The following RALGAPA2 variants were observed in gnomAD, a reference collection of about 807,000 sequenced individuals.
The protein encoded by RALGAPA2 is ral GTPase-activating protein subunit alpha-2.
In RALGAPA2, 139 loss-of-function variants were observed where a neutral mutation model predicts 230.4. The observed-to-expected ratio is 0.60, with a 90% CI of 0.53 to 0.69. RALGAPA2 has a LOEUF of 0.69. Among genes scored for constraint, RALGAPA2 ranks in the 30% least tolerant of loss-of-function variants. The probability of loss-of-function intolerance (pLI) is 0.00; values close to 1 mark genes in which losing one functional copy is unlikely to be tolerated. For missense variants in RALGAPA2, 2,163 were observed against 2,276.0 expected (o/e 0.95, Z 1.01); for synonymous variants, 847 against 837.8 (o/e 1.01, Z -0.19).
chr20:20,567,135 TA>T (rs2064457441), intron 23 of RALGAPA2, among the ~76,000 whole-genome samples: 1 of 152,262 alleles, frequency 6.6e-6, no homozygotes, highest in South Asian at 2.1e-4. Flanking sequence ...TCACTTATTT[TA>T]AGCAAAGAAA....
At chr20:20,465,650 G>C (rs2061405379) in intron 37 of RALGAPA2, among the ~76,000 whole-genome samples, 1 of 152,162 alleles carries the variant, frequency 6.6e-6, no homozygotes, top group African/African-American at 2.4e-5. Context: ...CTAACAGTGA[G>C]ATGTCACTCT....
chr20:20,517,267 T>C (rs1044412085), intron 31 of RALGAPA2, among the ~76,000 whole-genome samples: 10 of 152,210 alleles, frequency 6.6e-5, no homozygotes, highest in East Asian at 1.9e-4. Context: ...CTGATGTGAA[T>C]AGCTGAAACA....
chr20:20,630,328 G>A (rs1486539204), intron 9 of RALGAPA2, among the ~76,000 whole-genome samples: 1 of 152,108 alleles, frequency 6.6e-6, no homozygotes, highest in African/African-American at 2.4e-5. Context: ...TTACTTTTAA[G>A]TGTCAAAAAT....
chr20:20,607,301 G>T (rs138038043), intron 14 of RALGAPA2, among the ~76,000 whole-genome samples: 16 of 151,934 alleles, frequency 1.1e-4, no homozygotes, highest in Admixed American at 9.8e-4. Flanking sequence ...TCTGTAATAC[G>T]CCTGTTCTCT....
At chr20:20,571,725 A>G (rs965480329) in intron 22 of RALGAPA2, 112 bp from the exon 23 acceptor site, 12 of 1,462,854 alleles carry the variant, frequency 8.2e-6, no homozygotes, top group East Asian at 7.4e-5. Context: ...TGTGGGATGC[A>G]GTTACTTTAG....
In RALGAPA2 at chr20:20,709,032, A is replaced by G. The variant is rs372025146; in HGVS notation, c.106+3343T>C. ...CCCCGTCTTCTACAAAAAATACAAA[A>G]ATCTGGCCGGACATGGTGGCTCACA... On this transcript the variant is annotated intron_variant, in intron 1 of 39. Coordinates refer to ENST00000202677, the MANE Select transcript of RALGAPA2 (RefSeq NM_020343.4). Among the ~76,000 whole-genome samples, 3 of 152,162 alleles carry G rather than the reference A, an allele frequency of 2.0e-5. No individual in the cohort carries two copies. The East Asian group carries it at 5.8e-4, about 29-fold the overall frequency.
intron 36 of RALGAPA2, among the ~76,000 whole-genome samples, chr20:20,487,248 G>A (rs2061935250): frequency 6.6e-6 from 1 of 152,192 alleles, no homozygotes; most frequent in African/African-American, 2.4e-5. Context: ...TTCTATAGCT[G>A]TAGATGTCAG....
rs2123025430 is a variant in RALGAPA2, at chr20:20,437,184, A to G, written c.5496-25036T>C. On this transcript the variant is annotated intron_variant, in intron 37 of 39. Coordinates refer to ENST00000202677, the MANE Select transcript of RALGAPA2 (RefSeq NM_020343.4). This position sits in a 1 kb window ranked among gnomAD's most constrained non-coding sequence, Gnocchi z 4.1. ...TCAAACAGAAGTTCACCTCCTGTAA[A>G]TGGGGAAATTAAGGAGACTGGCAAC... Among the ~76,000 whole-genome samples the G allele has an allele frequency of 6.6e-6, 1 of 152,252 alleles. No homozygotes were observed. Among genetic ancestry groups the G allele is most frequent in the Admixed American group, 6.5e-5 (1 of 15,300 alleles).
At position 20,512,958 on chromosome 20, in the gene RALGAPA2, A is replaced by T; in HGVS notation, c.4411T>A (p.Ser1471Thr). ...VIVRDISGKY[S>T]WDGKVLYGPL... ...CCATATAAAACCTTACCATCCCAAG[A>T]GTACTTCCCTGAGATATCCCTCACA... is the stretch of plus-strand genomic sequence containing the variant. The change falls in exon 32 of 40, where the codon TCT (serine) becomes ACT (threonine). Residue 1471 changes from serine (S) to threonine (T), a missense_variant. Transcript: ENST00000202677. The T allele has an allele frequency of 1.2e-6, 2 of 1,613,800 alleles. No homozygotes were observed. Among genetic ancestry groups the T allele is most frequent in the Non-Finnish European group, 1.7e-6 (2 of 1,179,674 alleles).
At position 20,391,379 on chromosome 20, in the gene RALGAPA2, TC is replaced by T. The variant is rs1228274438; in HGVS notation, c.*1909del. On this transcript the variant is annotated 3_prime_UTR_variant, in exon 40 of 40. Coordinates refer to ENST00000202677, the MANE Select transcript of RALGAPA2 (RefSeq NM_020343.4). ...AGCCCCCGTGAGTATCCTGGGCCCTTCCCAAAACGGCCCAGGGGCCAGAAGC... is the reference window on the plus strand; with the variant it reads ...AGCCCCCGTGAGTATCCTGGGCCCTTCCAAAACGGCCCAGGGGCCAGAAGC... The T allele has an allele frequency of 1.3e-5, 2 of 152,212 alleles. No individual in the cohort carries two copies. The highest frequency in any genetic ancestry group is 2.9e-5 in the Non-Finnish European group (2 of 68,054). 9.4% of individuals were successfully genotyped at this position (152,212 alleles called of 1,614,324 possible). A position where few individuals can be genotyped will look rare whatever the true frequency, so the allele number is the denominator to read the frequency against.
rs2065278707 is a variant in RALGAPA2 at position 20,591,181 on chromosome 20, A to C, written c.2337T>G (p.Ser779=). 2 of 1,613,724 alleles carry C rather than the reference A, an allele frequency of 1.2e-6. No homozygotes were observed. Among genetic ancestry groups the C allele is most frequent in the Non-Finnish European group, 1.7e-6 (2 of 1,179,714 alleles). ...DIPEPLCSDS[S]QGQKAENTQN... ...AACACTGAAGACATCATGTACCCTG[A>C]GAAGAATCTGAGCACAGCGGCTCGG... The change falls in exon 17 of 40, where the codon TCT becomes TCG. Residue 779 remains serine (S), a synonymous_variant. Coordinates refer to ENST00000202677, the MANE Select transcript of RALGAPA2 (RefSeq NM_020343.4).
intron 37 of RALGAPA2, among the ~76,000 whole-genome samples, chr20:20,427,785 A>AT (rs11480610): frequency 0.64 from 95,449 of 148,570 alleles, 30,522 homozygotes; most frequent in African/African-American, 0.72. Flanking sequence ...GGGAAAAAAG[A>AT]TTTTTTTTTT....
intron 14 of RALGAPA2, 54 bp from the exon 15 acceptor site, chr20:20,605,466 T>G: frequency 7.5e-7 from 1 of 1,325,542 alleles, no homozygotes; most frequent in Non-Finnish European, 1.1e-6. Context: ...GGAAAAAGCA[T>G]ACTTTTAAAC....
At chr20:20,703,042 A>G (rs1206140443) in intron 1 of RALGAPA2, among the ~76,000 whole-genome samples, 5 of 152,050 alleles carry the variant, frequency 3.3e-5, no homozygotes, top group Admixed American at 1.3e-4. Context: ...GCATGGTGGC[A>G]CAAGCCTGTG....
intron 8 of RALGAPA2, 74 bp from the exon 9 acceptor site, chr20:20,635,691 G>T: frequency 1.5e-6 from 2 of 1,295,116 alleles, no homozygotes; most frequent in Non-Finnish European, 2.1e-6. Flanking sequence ...AAATGTTTTG[G>T]TTTCCAATTA....
chr20:20,526,437 T>C, intron 27 of RALGAPA2, 75 bp from the exon 28 acceptor site: 1 of 967,104 alleles, frequency 1.0e-6, no homozygotes, highest in East Asian at 2.6e-5. Context: ...AAAATAGTTA[T>C]TTCTTCTCAG....
intron 1 of RALGAPA2, among the ~76,000 whole-genome samples, chr20:20,691,275 C>T (rs1400506748): frequency 2.0e-5 from 3 of 152,122 alleles, no homozygotes; most frequent in African/African-American, 7.2e-5. Context: ...GTCCTCACTT[C>T]CCTTCTTTCT....
At chr20:20,539,180 G>A (rs926075455) in intron 24 of RALGAPA2, among the ~76,000 whole-genome samples, 7 of 152,000 alleles carry the variant, frequency 4.6e-5, no homozygotes, top group African/African-American at 7.2e-5. Context: ...TGACTTGTGC[G>A]AGCCATCTGT....
At chr20:20,653,225 A>G (rs2067469664) in intron 4 of RALGAPA2, among the ~76,000 whole-genome samples, 1 of 143,636 alleles carries the variant, frequency 7.0e-6, no homozygotes, top group Non-Finnish European at 1.5e-5. Flanking sequence ...AAAAAAAAAA[A>G]TACACACTAC....
Sources: allele counts gnomAD v4.1 joint callset (sites outside exome capture counted in the v4.1 genomes callset), GRCh38; gene constraint gnomAD v4.1.1; non-coding constraint Gnocchi (gnomAD v3.1); transcripts MANE v1.5; gene names NCBI Gene and HGNC (gene_info 2026-07-23, HGNC 2026-07-21).